The following FXN variants were observed in gnomAD, a reference collection of about 807,000 sequenced individuals.
FXN encodes frataxin, also known as frataxin, mitochondrial.
In FXN, 14 loss-of-function variants were observed where a neutral mutation model predicts 22.4. The observed-to-expected ratio is 0.62, with a 90% confidence interval of 0.41 to 0.98. The LOEUF (loss-of-function observed/expected upper bound fraction) is 0.98, where lower values mean the gene tolerates loss of function less well. Ranked by LOEUF, FXN falls within the 50% of genes least tolerant of loss-of-function variation. The pLI is 0.00. For missense variants in FXN, 267 were observed against 268.4 expected (o/e 0.99, Z 0.04); for synonymous variants, 120 against 114.1 (o/e 1.05, Z -0.33).
chr9:69,039,972 TA>T (rs892694266), intron 1 of FXN, among the ~76,000 whole-genome samples: 16 of 152,298 alleles, frequency 1.1e-4, no homozygotes, highest in African/African-American at 3.8e-4. Context: ...TTATAAAGCC[TA>T]ACTAGTTTCA....
In FXN at chr9:69,072,859, T is replaced by G. The variant is rs1587832489; in HGVS notation, c.*97T>G. The G allele has an allele frequency of 2.5e-6, 4 of 1,583,678 alleles. No individual in the cohort carries two copies. The highest frequency in any genetic ancestry group is 1.7e-5 in the Admixed American group (1 of 58,170). ...TGTTTTTTGTTGTTGTTGTTGTTTA[T>G]TTTTTTTATTCCTGCTTTTGAGGAC... On this transcript the variant is annotated 3_prime_UTR_variant, in exon 5 of 5. Transcript: ENST00000484259.
Position 69,076,099 on chromosome 9 carries a change from G to A in FXN, c.*3337G>A, listed in dbSNP as rs192507473. The A allele has an allele frequency of 1.4e-3, 1,376 of 984,832 alleles. 1 individual carries two copies. The highest frequency in any genetic ancestry group is 1.6e-3 in the Non-Finnish European group (1,326 of 829,420). The allele number at this position is 984,832 out of a possible 1,614,324, so 61.0% of individuals were successfully genotyped here. ...TCTGGCATGACTTATTTAGCTCTCT[G>A]GAATTACAAAGAAGGAATGAGGTGT... On this transcript the variant is annotated 3_prime_UTR_variant, in exon 5 of 5. Transcript: ENST00000484259.
chr9:69,044,264 G>C (rs909593969), intron 1 of FXN, among the ~76,000 whole-genome samples: 1 of 152,160 alleles, frequency 6.6e-6, no homozygotes, highest in African/African-American at 2.4e-5. Flanking sequence ...TGAAGACTGA[G>C]TCCATTTACA....
chr9:69,061,557 T>C (rs1832074304), intron 3 of FXN, among the ~76,000 whole-genome samples: 1 of 152,064 alleles, frequency 6.6e-6, no homozygotes, highest in African/African-American at 2.4e-5. Flanking sequence ...TTAGGGTACA[T>C]GTGCACAATG....
intron 3 of FXN, among the ~76,000 whole-genome samples, chr9:69,061,316 C>T (rs549603992): frequency 1.2e-4 from 18 of 152,154 alleles, no homozygotes; most frequent in Admixed American, 9.8e-4. Context: ...CCTGAGTCCT[C>T]GAAGGAGGCA....
intron 1 of FXN, among the ~76,000 whole-genome samples, chr9:69,036,483 T>C (rs541644246): frequency 3.9e-5 from 6 of 152,348 alleles, no homozygotes; most frequent in Non-Finnish European, 5.9e-5. Context: ...GGTGAAACTT[T>C]CAGAGCTGCA....
rs1210745026 is a variant in FXN, at chr9:69,053,468, CATAG to C, written c.384+211_384+214del. On this transcript the variant is annotated intron_variant, in intron 3 of 4. Coordinates refer to ENST00000484259, the MANE Select transcript of FXN (RefSeq NM_000144.5). ...CCTGGGTGACAGAGCGAGACTCTGT[CATAG>C]ATGGATGGATGGATGGATGGATGGA... Among the ~76,000 whole-genome samples, 959 of 105,348 alleles carry C rather than the reference CATAG, an allele frequency of 9.1e-3. 10 individuals are homozygous for C. Among genetic ancestry groups the C allele is most frequent in the African/African-American group, 0.032 (909 of 28,826 alleles). 69.1% of individuals were successfully genotyped at this position (105,348 alleles called of 152,430 possible).
rs555673369 is a variant in FXN, at chr9:69,046,460, T to A, written c.241T>A (p.Ser81Thr). 126 of 1,613,910 alleles carry A rather than the reference T, an allele frequency of 7.8e-5. No individual in the cohort carries two copies. The South Asian group carries it at 1.3e-3, about 17-fold the overall frequency. ...QSVYLMNLRK[S>T]GTLGHPGSLD... ...TGTCTATTTGATGAATTTGAGGAAA[T>A]CTGGAACTTTGGGCCACCCAGGGTA... The change falls in exon 2 of 5, where the codon TCT (serine) becomes ACT (threonine). Residue 81 changes from serine to threonine, a missense_variant. Ser to Thr is a moderately conservative substitution (Grantham distance 58, BLOSUM62 1). Transcript: ENST00000484259.
At position 69,075,414 on chromosome 9, in the gene FXN, C is replaced by T; in HGVS notation, c.*2652C>T. On this transcript the variant is annotated 3_prime_UTR_variant, in exon 5 of 5. Transcript: ENST00000484259. ...GGTGGAGGTTGCAGTGAGACGAGAT[C>T]ATGCCACTTCACTCCAGCCTGGCCA... 1 of 854,782 alleles carries T rather than the reference C, an allele frequency of 1.2e-6. No individual in the cohort carries two copies. The highest frequency in any genetic ancestry group is 5.4e-5 in the South Asian group (1 of 18,538). The allele number at this position is 854,782 out of a possible 1,614,324, so 52.9% of individuals were successfully genotyped here.
intron 3 of FXN, among the ~76,000 whole-genome samples, chr9:69,061,121 A>G (rs372057538): frequency 2.0e-4 from 30 of 152,350 alleles, no homozygotes; most frequent in African/African-American, 6.7e-4. Context: ...GCTTATTAAT[A>G]TGCCCTTTGA....
chr9:69,043,102 A>G (rs1831686867), intron 1 of FXN, among the ~76,000 whole-genome samples: 1 of 152,130 alleles, frequency 6.6e-6, no homozygotes, highest in Non-Finnish European at 1.5e-5. Flanking sequence ...GTCGTTTCAA[A>G]GATGTGTGCA....
intron 1 of FXN, 72 bp downstream of exon 1, chr9:69,036,019 G>A: frequency 8.3e-7 from 1 of 1,209,704 alleles, no homozygotes; most frequent in Non-Finnish European, 1.0e-6. Flanking sequence ...GCGCAGGGAG[G>A]CGCCGCGCAC....
Position 69,077,371 on chromosome 9 carries a change from T to A in FXN, c.*4609T>A. The A allele has an allele frequency of 3.0e-6, 3 of 985,460 alleles. No individual in the cohort carries two copies. Among genetic ancestry groups the A allele is most frequent in the Non-Finnish European group, 3.6e-6 (3 of 829,934 alleles). The allele number at this position is 985,460 out of a possible 1,614,324, so 61.0% of individuals were successfully genotyped here. On this transcript the variant is annotated 3_prime_UTR_variant, in exon 5 of 5. Coordinates refer to ENST00000484259, the MANE Select transcript of FXN (RefSeq NM_000144.5). ...AGAATCCAAGCTCATATGTTCCATC[T>A]TCTCTGGCTGTATAGTTTAAGGAAT...
chr9:69,053,278 T>C lies in FXN; in HGVS notation c.384+18T>C. ...CCTTTGGGGTACCTCTTGACTTCTT[T>C]TATTTTTCTGTTTCCCCCTCTAAGA... is the stretch of plus-strand genomic sequence containing the variant. On this transcript the variant is annotated intron_variant, in intron 3 of 4. Transcript: ENST00000484259. 1 of 1,612,996 alleles carries C rather than the reference T, an allele frequency of 6.2e-7. No individual in the cohort carries two copies. Among genetic ancestry groups the C allele is most frequent in the Non-Finnish European group, 8.5e-7 (1 of 1,179,296 alleles).
Position 69,074,386 on chromosome 9 carries a change from T to C in FXN, c.*1624T>C. The C allele has an allele frequency of 1.2e-5, 12 of 985,032 alleles. No individual in the cohort carries two copies. Among genetic ancestry groups the C allele is most frequent in the Non-Finnish European group, 1.4e-5 (12 of 829,622 alleles). The allele number at this position is 985,032 out of a possible 1,614,324, so 61.0% of individuals were successfully genotyped here. A position where few individuals can be genotyped will look rare whatever the true frequency, so the allele number is the denominator to read the frequency against. On this transcript the variant is annotated 3_prime_UTR_variant, in exon 5 of 5. Coordinates refer to ENST00000484259, the MANE Select transcript of FXN (RefSeq NM_000144.5). The stretch of plus-strand genomic sequence containing the variant: ...TCTTACTTAAAGAAGGATTTATTAG[T>C]GGCTGGGCATGGTGGCGTGCACCTG...
In FXN at chr9:69,046,422, T is replaced by G. The variant is rs778674959; in HGVS notation, c.203T>G (p.Val68Gly). ...NQRGLNQIWN[V>G]KKQSVYLMNL... is the part of the protein sequence containing the mutation. ...CGTGGCCTCAACCAGATTTGGAATG[T>G]CAAAAAGCAGAGTGTCTATTTGATG... Residue 68 changes from valine to glycine, a missense_variant, in exon 2 of 5, where the codon GTC (valine) becomes GGC (glycine). Coordinates refer to ENST00000484259, the MANE Select transcript of FXN (RefSeq NM_000144.5). 6.2e-7 allele frequency: 1 copy of G among 1,614,150 alleles called. No homozygotes were observed. Among genetic ancestry groups the G allele is most frequent in the Non-Finnish European group, 8.5e-7 (1 of 1,180,026 alleles).
chr9:69,036,099 G>A (rs1437658582), intron 1 of FXN, 152 bp downstream of exon 1: 2 of 594,256 alleles, frequency 3.4e-6, no homozygotes, highest in Non-Finnish European at 4.7e-6. Context: ...CCCGGCGGAA[G>A]CGGCCTTGCA....
chr9:69,036,071 C>A (rs138695995), intron 1 of FXN, 124 bp downstream of exon 1: 220 of 859,290 alleles, frequency 2.6e-4, no homozygotes, highest in Non-Finnish European at 3.1e-4. Context: ...TAGCTCACCC[C>A]GCTCCTTCTC....
rs746940941 is a variant in FXN at position 69,073,404 on chromosome 9, G to C, written c.*642G>C. On this transcript the variant is annotated 3_prime_UTR_variant, in exon 5 of 5. Transcript: ENST00000484259. ...CCCACATATTCACATACGTGTCTGT[G>C]TGTATATATATTTTTTCAATTTAAA... The C allele has an allele frequency of 7.1e-4, 696 of 985,906 alleles. No homozygotes were observed. The highest frequency in any genetic ancestry group is 1.6e-3 in the Middle Eastern group (3 of 1,914). 61.1% of individuals were successfully genotyped at this position (985,906 alleles called of 1,614,324 possible). A position where few individuals can be genotyped will look rare whatever the true frequency, so the allele number is the denominator to read the frequency against.
Sources: allele counts gnomAD v4.1 joint callset (sites outside exome capture counted in the v4.1 genomes callset), GRCh38; gene constraint gnomAD v4.1.1; transcripts MANE v1.5; gene names NCBI Gene and HGNC (gene_info 2026-07-23, HGNC 2026-07-21).